The following GRM8 variants were observed in gnomAD, a reference collection of about 807,000 sequenced individuals.
GRM8 encodes metabotropic glutamate receptor 8.
In GRM8, 47 loss-of-function variants were observed where a neutral mutation model predicts 87.2. The ratio of observed to expected loss-of-function variants is 0.54; its 90% CI spans 0.43 to 0.69. GRM8 has a LOEUF of 0.69. GRM8 is among the 30% of genes least tolerant of loss of function. GRM8 has a pLI of 0.00. For missense variants in GRM8, 1,019 were observed against 1,139.2 expected (o/e 0.89, Z 1.52); for synonymous variants, 396 against 404.5 (o/e 0.98, Z 0.25).
chr7:127,249,891 A>T (rs763957247), intron 1 of GRM8, among the ~76,000 whole-genome samples: 1 of 152,198 alleles, frequency 6.6e-6, no homozygotes, highest in Non-Finnish European at 1.5e-5. Flanking sequence ...CTTGACAGAC[A>T]TGGAGATGTG....
At chr7:126,627,325 G>A (rs1239555525) in intron 7 of GRM8, among the ~76,000 whole-genome samples, 1 of 152,188 alleles carries the variant, frequency 6.6e-6, no homozygotes, top group Non-Finnish European at 1.5e-5. Flanking sequence ...GGTCAAAGAT[G>A]CTACTAAACA....
intron 9 of GRM8, among the ~76,000 whole-genome samples, chr7:126,501,532 T>G (rs755592526): frequency 6.6e-6 from 1 of 151,692 alleles, no homozygotes; most frequent in Admixed American, 6.6e-5. Flanking sequence ...GAAAAGACAA[T>G]AGAAGAAAAG....
chr7:127,027,951 C>G (rs1207847203), intron 3 of GRM8, among the ~76,000 whole-genome samples: 1 of 152,066 alleles, frequency 6.6e-6, no homozygotes, highest in Non-Finnish European at 1.5e-5. Flanking sequence ...CCATTCACTA[C>G]AATATTGGCT....
At chr7:127,090,710 G>A (rs1330884970) in intron 3 of GRM8, among the ~76,000 whole-genome samples, 1 of 140,344 alleles carries the variant, frequency 7.1e-6, no homozygotes, top group African/African-American at 2.9e-5. Context: ...GTGCCCTCCG[G>A]TTGCGGCACT....
In GRM8 at chr7:127,243,848, G is replaced by GTT. The variant is rs5887332; in HGVS notation, c.-311-335_-311-334dup. On this transcript the variant is annotated intron_variant, in intron 1 of 10. Transcript: ENST00000339582. ...GATGGCACCATTTCTTTTCAAATCT[G>GTT]TTTTTTTTTTTTGCAGCTATCTGAA... is the stretch of plus-strand genomic sequence containing the variant. 3.5e-3 allele frequency among the ~76,000 whole-genome samples: 500 copies of GTT among 141,000 alleles called. 8 individuals carry two copies. The highest frequency in any genetic ancestry group is 7.4e-3 in the African/African-American group (286 of 38,520). 92.5% of individuals were successfully genotyped at this position (141,000 alleles called of 152,430 possible).
At chr7:127,198,487 G>T (rs1046441527) in intron 2 of GRM8, among the ~76,000 whole-genome samples, 2 of 152,012 alleles carry the variant, frequency 1.3e-5, no homozygotes, top group African/African-American at 4.8e-5. Flanking sequence ...AGGCCAAATG[G>T]GCTAATTCTT....
intron 9 of GRM8, among the ~76,000 whole-genome samples, chr7:126,510,756 A>G (rs1023899521): frequency 9.1e-6 from 1 of 110,258 alleles, no homozygotes; most frequent in African/African-American, 3.5e-5. Flanking sequence ...TTAGTGAGTA[A>G]TTGGACTCAG....
intron 3 of GRM8, among the ~76,000 whole-genome samples, chr7:127,078,308 T>C (rs1446143213): frequency 6.6e-6 from 1 of 152,184 alleles, no homozygotes; most frequent in African/African-American, 2.4e-5. Flanking sequence ...CGTCCTACCA[T>C]CCGTCTACCT....
intron 3 of GRM8, among the ~76,000 whole-genome samples, chr7:127,060,604 G>A (rs1820510818): frequency 1.3e-5 from 2 of 152,082 alleles, no homozygotes; most frequent in Non-Finnish European, 2.9e-5. Flanking sequence ...GGAACCCAAT[G>A]ATATATAACA....
chr7:126,602,378 C>T (rs1454189380), intron 8 of GRM8, among the ~76,000 whole-genome samples: 1 of 130,004 alleles, frequency 7.7e-6, no homozygotes, highest in Non-Finnish European at 1.7e-5. Context: ...ATGCCTCCAG[C>T]TTTGTTCTTT....
chr7:126,917,378 C>A (rs1412735902), intron 3 of GRM8, among the ~76,000 whole-genome samples: 7 of 151,316 alleles, frequency 4.6e-5, no homozygotes, highest in Non-Finnish European at 8.8e-5. Context: ...TCCAACCACA[C>A]ACACACACAC....
intron 3 of GRM8, among the ~76,000 whole-genome samples, chr7:126,967,735 A>T (rs1810021279): frequency 6.6e-6 from 1 of 152,210 alleles, no homozygotes; most frequent in Admixed American, 6.5e-5. Flanking sequence ...ACAAGGTTTC[A>T]GATGTTATTT....
intron 2 of GRM8, among the ~76,000 whole-genome samples, chr7:127,194,186 A>C (rs1795167497): frequency 2.0e-5 from 3 of 152,234 alleles, no homozygotes; most frequent in African/African-American, 7.2e-5. Context: ...ACAACAAAAC[A>C]GTAGAGGATG....
chr7:126,571,743 T>C (rs1284518606), intron 8 of GRM8, among the ~76,000 whole-genome samples: 5 of 55,918 alleles, frequency 8.9e-5, no homozygotes, highest in African/African-American at 3.1e-4. Context: ...ATATACAGGA[T>C]TTTTTTTTTT....
At chr7:127,112,694 G>T (rs1826445139) in intron 2 of GRM8, among the ~76,000 whole-genome samples, 1 of 152,152 alleles carries the variant, frequency 6.6e-6, no homozygotes, top group South Asian at 2.1e-4. Flanking sequence ...TTTTTACCAA[G>T]CTGAAGTGAT....
At chr7:126,727,065 C>T (rs1813070377) in intron 7 of GRM8, among the ~76,000 whole-genome samples, 1 of 151,868 alleles carries the variant, frequency 6.6e-6, no homozygotes, top group Admixed American at 6.6e-5. Context: ...TCTATACATA[C>T]TTACGTGTAT....
At chr7:127,039,274 G>C (rs1818127872) in intron 3 of GRM8, among the ~76,000 whole-genome samples, 1 of 152,120 alleles carries the variant, frequency 6.6e-6, no homozygotes, top group African/African-American at 2.4e-5. Context: ...GACGGGCCCA[G>C]TCCAATAGGA....
chr7:126,975,571 T>G (rs889870580), intron 3 of GRM8, among the ~76,000 whole-genome samples: 1 of 152,178 alleles, frequency 6.6e-6, no homozygotes, highest in Non-Finnish European at 1.5e-5. Flanking sequence ...CTGGGAATCT[T>G]GGATGAAGGT....
At position 126,524,635 on chromosome 7, in the gene GRM8, G is replaced by T. The variant is rs1182457150; in HGVS notation, c.2430+8317C>A. On this transcript the variant is annotated intron_variant, in intron 9 of 10. Transcript: ENST00000339582. ...GTTTCCTCTTCTAGGATGTTTATTA[G>T]ATATATATTGGGATCTTGCATTTAT... 2.0e-5 allele frequency among the ~76,000 whole-genome samples: 3 copies of T among 151,868 alleles called. No individual in the cohort carries two copies. The East Asian group carries it at 5.8e-4, about 29-fold the overall frequency.
Sources: allele counts gnomAD v4.1 joint callset (sites outside exome capture counted in the v4.1 genomes callset), GRCh38; gene constraint gnomAD v4.1.1; transcripts MANE v1.5; gene names NCBI Gene and HGNC (gene_info 2026-07-23, HGNC 2026-07-21).